Variants in CORIN observed in about 807,000 individuals in gnomAD.
The protein encoded by CORIN is atrial natriuretic peptide-converting enzyme.
A neutral mutation model predicts 125.3 loss-of-function variants in CORIN; 117 were observed. The ratio of observed to expected loss-of-function variants is 0.93; its 90% confidence interval spans 0.80 to 1.09. The LOEUF (loss-of-function observed/expected upper bound fraction) is 1.09, where lower values mean the gene tolerates loss of function less well. CORIN is among the 50% of genes least tolerant of loss of function. The probability of loss-of-function intolerance (pLI) is 0.00; values close to 1 mark genes in which losing one functional copy is unlikely to be tolerated. For synonymous variants in CORIN, 450 were observed against 466.4 expected, an observed-to-expected ratio of 0.96 and a Z score of 0.45; for missense variants, 1,253 against 1,306.7, an observed-to-expected ratio of 0.96 and a Z score of 0.63.
In CORIN at chr4:47,594,253, T is replaced by C. The variant is rs1721168440; in HGVS notation, c.*1468A>G. The C allele has an allele frequency of 6.6e-6, 1 of 152,530 alleles. No individual in the cohort carries two copies. 9.4% of individuals were successfully genotyped at this position (152,530 alleles called of 1,614,324 possible). A position where few individuals can be genotyped will look rare whatever the true frequency, so the allele number is the denominator to read the frequency against. On this transcript the variant is annotated 3_prime_UTR_variant, in exon 22 of 22. Coordinates refer to ENST00000273857, the MANE Select transcript of CORIN (RefSeq NM_006587.4). ...AATAGTATAGAAATTGCTACAACTT[T>C]TTGAATTTCAACTATGTTTACACAC...
intron 15 of CORIN, 84 bp from the exon 16 acceptor site, chr4:47,642,133 T>C (rs762725395): frequency 6.0e-5 from 82 of 1,364,280 alleles, no homozygotes; most frequent in Non-Finnish European, 8.3e-5. Context: ...CTCTGCTTCA[T>C]TGGCATACAT....
At chr4:47,620,939 C>A (rs1381028766) in intron 19 of CORIN, among the ~76,000 whole-genome samples, 1 of 152,104 alleles carries the variant, frequency 6.6e-6, no homozygotes, top group Non-Finnish European at 1.5e-5. Flanking sequence ...AATGAAATTG[C>A]ATTTTTTTCC....
intron 6 of CORIN, among the ~76,000 whole-genome samples, chr4:47,689,397 A>G (rs1725666950): frequency 6.6e-6 from 1 of 152,186 alleles, no homozygotes; most frequent in African/African-American, 2.4e-5. Context: ...AGGAAATGGT[A>G]AGATCGAAAC....
At chr4:47,750,494 A>G (rs112833135) in intron 4 of CORIN, among the ~76,000 whole-genome samples, 100 of 152,338 alleles carry the variant, frequency 6.6e-4, no homozygotes, top group African/African-American at 2.3e-3. Context: ...GATCACCTAC[A>G]GAAGGAAAAG....
chr4:47,779,261 G>GT lies in CORIN; in HGVS notation c.409+7463dup, dbSNP rs201728942. Reference sequence around the variant, plus strand: ...GCAGGCGGATCACTCAAGGTCAGGAGTTTGAGACCAGCCTGGCCAACATCC... The same window carrying GT: ...GCAGGCGGATCACTCAAGGTCAGGAGTTTTGAGACCAGCCTGGCCAACATCC... On this transcript the variant is annotated intron_variant, in intron 3 of 21. Transcript: ENST00000273857. Among the ~76,000 whole-genome samples the GT allele has an allele frequency of 9.6e-3, 1,466 of 152,216 alleles. 32 individuals are homozygous for GT. The highest frequency in any genetic ancestry group is 0.033 in the African/African-American group (1,380 of 41,540).
At chr4:47,755,459 G>T (rs1729093819) in intron 4 of CORIN, among the ~76,000 whole-genome samples, 1 of 152,050 alleles carries the variant, frequency 6.6e-6, no homozygotes, top group South Asian at 2.1e-4. Context: ...TTTTATTGTT[G>T]TTTTCTTTCT....
At chr4:47,787,069 G>A (rs923016627) in intron 2 of CORIN, 144 bp from the exon 3 acceptor site, 72 of 642,938 alleles carry the variant, frequency 1.1e-4, no homozygotes, top group Admixed American at 1.1e-3. Flanking sequence ...GATGAAAGCC[G>A]TAATAGTGAC....
chr4:47,628,471 TG>T (rs2109571507), intron 16 of CORIN, among the ~76,000 whole-genome samples: 1 of 151,500 alleles, frequency 6.6e-6, no homozygotes, highest in South Asian at 2.1e-4. Context: ...TGTGTGTGTG[TG>T]TTAAGAACAC....
chr4:47,644,833 G>C (rs1380163642), intron 14 of CORIN, among the ~76,000 whole-genome samples: 1 of 151,872 alleles, frequency 6.6e-6, no homozygotes, highest in East Asian at 1.9e-4. Flanking sequence ...CCTATTATTG[G>C]ATATTTGGAG....
intron 2 of CORIN, among the ~76,000 whole-genome samples, chr4:47,793,160 T>C (rs561460544): frequency 1.3e-5 from 2 of 152,264 alleles, no homozygotes; most frequent in Admixed American, 6.5e-5. Flanking sequence ...TCCCCCACAA[T>C]GCTGTCCCTC....
At chr4:47,730,317 A>G (rs989802025) in intron 5 of CORIN, among the ~76,000 whole-genome samples, 3 of 151,942 alleles carry the variant, frequency 2.0e-5, no homozygotes, top group South Asian at 2.1e-4. Context: ...TACTAAAAAT[A>G]CAAAAATTAG....
At chr4:47,710,757 C>T (rs1726804289) in intron 5 of CORIN, among the ~76,000 whole-genome samples, 1 of 152,268 alleles carries the variant, frequency 6.6e-6, no homozygotes, top group Non-Finnish European at 1.5e-5. Context: ...AGGTGTGGCA[C>T]AAGCATGGGC....
intron 12 of CORIN, among the ~76,000 whole-genome samples, chr4:47,654,995 G>A (rs192507533): frequency 6.6e-6 from 1 of 151,752 alleles, no homozygotes; most frequent in Non-Finnish European, 1.5e-5. Context: ...AGTAGAATAG[G>A]GCACCAGACA....
At chr4:47,713,212 T>C (rs17601551) in intron 5 of CORIN, among the ~76,000 whole-genome samples, 15,112 of 152,222 alleles carry the variant, frequency 0.099, 885 homozygotes, top group East Asian at 0.27. Flanking sequence ...AGAAGTCAGA[T>C]TGTTAATTGC....
intron 5 of CORIN, among the ~76,000 whole-genome samples, chr4:47,712,149 C>T (rs1179095852): frequency 6.6e-6 from 1 of 152,060 alleles, no homozygotes; most frequent in African/African-American, 2.4e-5. Flanking sequence ...AGCTTTCAAT[C>T]AATTTGATCT....
intron 5 of CORIN, among the ~76,000 whole-genome samples, chr4:47,733,920 C>G (rs1477681760): frequency 6.6e-6 from 1 of 152,140 alleles, no homozygotes; most frequent in Non-Finnish European, 1.5e-5. Context: ...ATTTACAGAG[C>G]TAAGCATTGG....
chr4:47,763,121 A>C (rs1049899690), intron 4 of CORIN, among the ~76,000 whole-genome samples: 3 of 152,146 alleles, frequency 2.0e-5, no homozygotes, highest in South Asian at 2.1e-4. Flanking sequence ...TGTCTGTCTT[A>C]TGCTGGATCC....
intron 10 of CORIN, among the ~76,000 whole-genome samples, chr4:47,669,713 T>A (rs747005450): frequency 2.6e-5 from 4 of 151,884 alleles, no homozygotes; most frequent in Non-Finnish European, 5.9e-5. Flanking sequence ...GGACTACAGG[T>A]GCCCACCACC....
intron 4 of CORIN, 66 bp from the exon 5 acceptor site, chr4:47,744,649 G>A: frequency 7.1e-7 from 1 of 1,417,762 alleles, no homozygotes; most frequent in Non-Finnish European, 9.5e-7. Context: ...AAATAATAGT[G>A]AAATTAAAGT....
Sources: allele counts gnomAD v4.1 joint callset (sites outside exome capture counted in the v4.1 genomes callset), GRCh38; gene constraint gnomAD v4.1.1; transcripts MANE v1.5; gene names NCBI Gene and HGNC (gene_info 2026-07-23, HGNC 2026-07-21).